Variants in MARS1 observed in about 807,000 individuals in gnomAD.
MARS1 encodes methionine--tRNA ligase, cytoplasmic.
Under a neutral mutation model 119.5 loss-of-function variants are expected in MARS1, and 80 were observed. The observed-to-expected ratio is 0.67, with a 90% CI of 0.56 to 0.81. MARS1 has a LOEUF of 0.81. MARS1 is among the 30% of genes least tolerant of loss of function. The pLI, the probability that MARS1 is intolerant of heterozygous loss-of-function variation, is 0.00. For synonymous variants in MARS1, 418 were observed against 433.4 expected (o/e 0.96, Z 0.44); for missense variants, 945 against 1,116.5 (o/e 0.85, Z 2.19).
chr12:57,500,166 A>G, intron 9 of MARS1, 155 bp from the exon 10 acceptor site: 2 of 695,664 alleles, frequency 2.9e-6, no homozygotes, highest in South Asian at 3.2e-5. Flanking sequence ...TCATCCAGTA[A>G]AACTCTCAAA....
chr12:57,511,400 G>A (rs1877508203), intron 11 of MARS1, among the ~76,000 whole-genome samples: 1 of 152,058 alleles, frequency 6.6e-6, no homozygotes, highest in African/African-American at 2.4e-5. Context: ...CCTGGGCAAT[G>A]TGGCAAAACC....
At chr12:57,515,826 C>T in intron 18 of MARS1, 94 bp from the exon 19 acceptor site, 2 of 902,354 alleles carry the variant, frequency 2.2e-6, no homozygotes, top group Non-Finnish European at 1.8e-6. Flanking sequence ...CTTTCTAAAA[C>T]ACATCAGAGA....
Position 57,511,870 on chromosome 12 carries a change from T to C in MARS1, c.1539+2T>C, listed in dbSNP as rs1415887150. On this transcript the variant is annotated splice_donor_variant, in intron 12 of 20. Transcript: ENST00000262027. LOFTEE classifies it high-confidence loss of function. ...CCCTTAGAAGGTTTTGAAGACAAGG[T>C]AAAAACCCTTTTTTATTCATATCAT... 2 of 1,613,504 alleles carry C rather than the reference T, an allele frequency of 1.2e-6. No homozygotes were observed. Among genetic ancestry groups the C allele is most frequent in the African/African-American group, 1.3e-5 (1 of 74,912 alleles).
intron 1 of MARS1, chr12:57,488,677 T>G (rs1277751352): frequency 6.5e-7 from 1 of 1,545,468 alleles, no homozygotes; most frequent in African/African-American, 1.4e-5. Context: ...TCTTCTCAGT[T>G]CTTTTAATTT....
At chr12:57,490,144 G>C (rs963559959) in intron 5 of MARS1, 63 bp from the exon 6 acceptor site, 27 of 1,551,982 alleles carry the variant, frequency 1.7e-5, no homozygotes, top group Non-Finnish European at 2.3e-5. Context: ...GAAGGGGAAA[G>C]ATGCCCGCTC....
intron 10 of MARS1, among the ~76,000 whole-genome samples, chr12:57,503,179 T>C (rs1300523724): frequency 6.6e-6 from 1 of 152,102 alleles, no homozygotes; most frequent in East Asian, 1.9e-4. Flanking sequence ...CATGTTTATA[T>C]AGTCAGTTTA....
At chr12:57,492,624 T>G (rs900690848) in intron 7 of MARS1, among the ~76,000 whole-genome samples, 9 of 148,784 alleles carry the variant, frequency 6.0e-5, no homozygotes, top group African/African-American at 2.2e-4. Context: ...TGAGCGGAGA[T>G]TGCGCCAGTG....
At chr12:57,502,934 G>T (rs998701736) in intron 10 of MARS1, among the ~76,000 whole-genome samples, 1 of 151,930 alleles carries the variant, frequency 6.6e-6, no homozygotes, top group Non-Finnish European at 1.5e-5. Flanking sequence ...GCCGAGGCTG[G>T]AGAATCGCTT....
chr12:57,498,208 C>T lies in MARS1; in HGVS notation c.822C>T (p.Tyr274=), dbSNP rs373991803. 1.1e-5 allele frequency: 18 copies of T among 1,614,208 alleles called. No individual in the cohort carries two copies. The highest frequency in any genetic ancestry group is 4.5e-5 in the East Asian group (2 of 44,892). ...RNVLITSALP[Y]VNNVPHLGNI... ...TGCTCATCACCAGTGCCCTCCCTTA[C>T]GTCAACAATGTCCCCCACCTTGGGA... Residue 274 remains tyrosine (Y), a synonymous_variant, in exon 8 of 21, where the codon TAC becomes TAT. Coordinates refer to ENST00000262027, the MANE Select transcript of MARS1 (RefSeq NM_004990.4).
At chr12:57,501,269 G>T (rs1876903100) in intron 10 of MARS1, among the ~76,000 whole-genome samples, 1 of 152,294 alleles carries the variant, frequency 6.6e-6, no homozygotes, top group South Asian at 2.1e-4. Flanking sequence ...GAGATGAGGT[G>T]AGAGAGATGG....
intron 1 of MARS1, 188 bp from the exon 2 acceptor site, chr12:57,488,831 A>G (rs1405845770): frequency 2.6e-6 from 2 of 777,360 alleles, no homozygotes; most frequent in East Asian, 5.3e-5. Flanking sequence ...TTTCAGCTGA[A>G]CACCTGCTGG....
intron 11 of MARS1, among the ~76,000 whole-genome samples, chr12:57,507,669 ACC>A (rs1877267813): frequency 1.8e-5 from 1 of 54,902 alleles, no homozygotes; most frequent in Non-Finnish European, 3.8e-5. Flanking sequence ...CTGGCCCCCC[ACC>A]TCCCTCCCGG....
chr12:57,488,482 TCTC>T (rs1875640887), intron 1 of MARS1: 10 of 1,318,710 alleles, frequency 7.6e-6, no homozygotes, highest in East Asian at 2.5e-5. Context: ...TTCCCAACCT[TCTC>T]CTACACCTAT....
At chr12:57,502,892 G>A (rs971646493) in intron 10 of MARS1, among the ~76,000 whole-genome samples, 1 of 151,844 alleles carries the variant, frequency 6.6e-6, no homozygotes, top group Admixed American at 6.6e-5. Context: ...CGGGCGCGGT[G>A]GCACGTGCCT....
intron 11 of MARS1, 47 bp downstream of exon 11, chr12:57,504,346 T>C: frequency 6.8e-7 from 1 of 1,466,864 alleles, no homozygotes; most frequent in Non-Finnish European, 9.6e-7. Flanking sequence ...GCCTCTTCTG[T>C]CCCCTCTGCC....
chr12:57,501,548 G>A (rs1201391785), intron 10 of MARS1, among the ~76,000 whole-genome samples: 3 of 152,234 alleles, frequency 2.0e-5, no homozygotes, highest in Middle Eastern at 6.8e-3. Context: ...GGCTAGGTGC[G>A]GTGGCTCACG....
At chr12:57,504,057 T>C in intron 10 of MARS1, 168 bp from the exon 11 acceptor site, 2 of 602,958 alleles carry the variant, frequency 3.3e-6, no homozygotes, top group Non-Finnish European at 5.9e-6. Flanking sequence ...CTGAGAAGAT[T>C]TGAGTCTCCA....
At chr12:57,505,696 C>T (rs1287883305) in intron 11 of MARS1, among the ~76,000 whole-genome samples, 1 of 151,804 alleles carries the variant, frequency 6.6e-6, no homozygotes, top group Non-Finnish European at 1.5e-5. Flanking sequence ...CCTGTAGTCT[C>T]AGCTATGCAA....
Position 57,516,571 on chromosome 12 carries a change from A to C in MARS1, c.2693A>C (p.Lys898Thr), listed in dbSNP as rs28382854. 1.3e-4 allele frequency: 206 copies of C among 1,576,194 alleles called. 1 individual carries two copies. The East Asian group carries it at 4.4e-3, about 34-fold the overall frequency. ...CCCCCTGAAGCCCCTAAAGGCAAGA[A>C]GAAAAAGTAAAAGACCTTGGCTCAT... ...GKPPEAPKGK[K>T]KK Residue 898 changes from lysine (K) to threonine (T), a missense_variant, in exon 21 of 21, where the codon AAG becomes ACG. Lys to Thr is a moderately conservative substitution (Grantham distance 78). Transcript: ENST00000262027.
Sources: gnomAD v4.1 joint callset for allele counts (sites outside exome capture counted in the v4.1 genomes callset) on GRCh38, gnomAD v4.1.1 for gene constraint, MANE v1.5 for transcripts, NCBI Gene and HGNC (gene_info 2026-07-23, HGNC 2026-07-21) for gene names.